Variants in PTP4A1 observed in about 807,000 individuals in gnomAD.
The protein encoded by PTP4A1 is protein tyrosine phosphatase type IVA 1.
PTP4A1 carries 9 observed loss-of-function variants against 20.5 expected under a neutral mutation model. The observed-to-expected ratio is 0.44, with a 90% CI of 0.26 to 0.77. PTP4A1 has a LOEUF of 0.77. Among genes scored for constraint, PTP4A1 ranks in the 30% least tolerant of loss-of-function variants. The probability of loss-of-function intolerance (pLI) is 0.19; values close to 1 mark genes in which losing one functional copy is unlikely to be tolerated. For missense variants in PTP4A1, 137 were observed against 218.8 expected (o/e 0.63, Z 2.36); for synonymous variants, 78 against 67.4 (o/e 1.16, Z -0.77).
chr6:63,559,989 T>A (rs1211167884), intron 3 of PTP4A1, among the ~76,000 whole-genome samples: 2 of 152,142 alleles, frequency 1.3e-5, no homozygotes, highest in African/African-American at 2.4e-5. Flanking sequence ...TATAATATTG[T>A]GGAAGATCAC....
At chr6:63,517,550 A>G (rs374292204), upstream of PTP4A1, among the ~76,000 whole-genome samples, 1 of 152,194 alleles carries the variant, frequency 6.6e-6, no homozygotes, top group African/African-American at 2.4e-5. Context: ...CAATAGCACT[A>G]TGAACAAAAG....
intron 3 of PTP4A1, among the ~76,000 whole-genome samples, chr6:63,558,716 G>GT (rs1384205219): frequency 1.3e-5 from 2 of 152,196 alleles, no homozygotes; most frequent in Non-Finnish European, 2.9e-5. Flanking sequence ...AGTCCTCTAA[G>GT]TAAGTCTGAA....
intron 3 of PTP4A1, among the ~76,000 whole-genome samples, chr6:63,552,662 T>G (rs886546545): frequency 6.6e-6 from 1 of 152,230 alleles, no homozygotes; most frequent in Non-Finnish European, 1.5e-5. Context: ...ATTTTTATGG[T>G]TTTAGTTCTA....
In PTP4A1 at chr6:63,582,191, TG is replaced by T. The variant is rs1365781921; in HGVS notation, c.*2018del. 1 of 151,896 alleles carries T rather than the reference TG, an allele frequency of 6.6e-6. No individual in the cohort carries two copies. The highest frequency in any genetic ancestry group is 1.5e-5 in the Non-Finnish European group (1 of 67,904). 9.4% of individuals were successfully genotyped at this position (151,896 alleles called of 1,614,324 possible). A position where few individuals can be genotyped will look rare whatever the true frequency, so the allele number is the denominator to read the frequency against. On this transcript the variant is annotated 3_prime_UTR_variant, in exon 6 of 6. Transcript: ENST00000626021. ...TTGGCTAATTTTTAACCTGAGGTTTTGTTTTTTTTTTAAAGGAAATGCAGCC... is the reference window on the plus strand; with the variant it reads ...TTGGCTAATTTTTAACCTGAGGTTTTTTTTTTTTTTAAAGGAAATGCAGCC...
chr6:63,541,551 C>T (rs1407019037), intron 2 of PTP4A1, among the ~76,000 whole-genome samples: 2 of 152,036 alleles, frequency 1.3e-5, no homozygotes, highest in Non-Finnish European at 2.9e-5. Flanking sequence ...TCAAGAAAAA[C>T]AATTTAAGTC....
intron 1 of PTP4A1, among the ~76,000 whole-genome samples, chr6:63,574,539 C>T (rs1043671088): frequency 1.3e-5 from 2 of 152,100 alleles, no homozygotes; most frequent in African/African-American, 4.8e-5. Flanking sequence ...GAAGGGAATT[C>T]TTAATATAGT....
At chr6:63,552,775 C>T (rs1776508834) in intron 3 of PTP4A1, among the ~76,000 whole-genome samples, 1 of 152,092 alleles carries the variant, frequency 6.6e-6, no homozygotes, top group Non-Finnish European at 1.5e-5. Flanking sequence ...TTCCCAACAC[C>T]ATTTATTAAA....
intron 3 of PTP4A1, 136 bp from the exon 4 acceptor site, chr6:63,578,762 C>A: frequency 1.8e-6 from 2 of 1,128,760 alleles, no homozygotes; most frequent in East Asian, 2.8e-5. Flanking sequence ...ATTTGGTAGA[C>A]AACAGGGTTT....
intron 2 of PTP4A1, among the ~76,000 whole-genome samples, chr6:63,535,218 A>G (rs1775666323): frequency 6.6e-6 from 1 of 152,180 alleles, no homozygotes; most frequent in Admixed American, 6.5e-5. Flanking sequence ...TAATTCCAGC[A>G]TTTTGGGAGG....
At chr6:63,571,256 CTAAGA>C (rs1187134754), upstream of PTP4A1, 2 of 151,996 alleles carry the variant, frequency 1.3e-5, no homozygotes, top group South Asian at 2.1e-4. Flanking sequence ...CTAATAAATC[CTAAGA>C]TGTTGCAGGG....
chr6:63,529,137 G>GTATATATATATGTATATATATGTGTGTA (rs1562112379), intron 2 of PTP4A1, among the ~76,000 whole-genome samples: 78 of 136,792 alleles, frequency 5.7e-4, no homozygotes, highest in Admixed American at 1.3e-3. Context: ...ATATGTGTGT[G>GTATATATATATGTATATATATGTGTGTA]TATATATATA....
At chr6:63,576,313 T>C (rs575051015) in intron 1 of PTP4A1, 123 bp from the exon 2 acceptor site, 1 of 390,116 alleles carries the variant, frequency 2.6e-6, no homozygotes, top group Admixed American at 4.4e-5. Context: ...TAAAAGTCGA[T>C]GAAGCGGCTC....
At chr6:63,564,433 A>G (rs970962563) in intron 3 of PTP4A1, among the ~76,000 whole-genome samples, 3 of 152,228 alleles carry the variant, frequency 2.0e-5, no homozygotes, top group African/African-American at 7.2e-5. Flanking sequence ...AGGATAAGAA[A>G]AAAGCATGAC....
intron 1 of PTP4A1, among the ~76,000 whole-genome samples, chr6:63,524,306 C>T (rs1386541701): frequency 1.3e-5 from 2 of 151,964 alleles, no homozygotes; most frequent in Non-Finnish European, 2.9e-5. Context: ...TTTAATCTAG[C>T]TTATAAAGTG....
intron 2 of PTP4A1, among the ~76,000 whole-genome samples, chr6:63,543,675 A>G (rs1776071281): frequency 6.6e-6 from 1 of 152,172 alleles, no homozygotes; most frequent in African/African-American, 2.4e-5. Flanking sequence ...CCCAGTCAAG[A>G]GCCCAATATT....
chr6:63,553,116 T>C (rs1012354017), intron 3 of PTP4A1, among the ~76,000 whole-genome samples: 1 of 152,202 alleles, frequency 6.6e-6, no homozygotes, highest in Non-Finnish European at 1.5e-5. Context: ...TGTATATTGA[T>C]TATATTCAAA....
intron 2 of PTP4A1, among the ~76,000 whole-genome samples, chr6:63,544,113 T>G (rs190197108): frequency 6.6e-6 from 1 of 152,120 alleles, no homozygotes; most frequent in Non-Finnish European, 1.5e-5. Context: ...CTACTTACAA[T>G]TGTGGGGAGT....
intron 3 of PTP4A1, 148 bp from the exon 4 acceptor site, chr6:63,578,750 A>G: frequency 9.0e-7 from 1 of 1,110,860 alleles, no homozygotes; most frequent in Non-Finnish European, 1.2e-6. Flanking sequence ...GCATTTAGTC[A>G]CATTTGGTAG....
At chr6:63,566,048 A>G (rs1777178369) in intron 3 of PTP4A1, among the ~76,000 whole-genome samples, 1 of 152,238 alleles carries the variant, frequency 6.6e-6, no homozygotes, top group Non-Finnish European at 1.5e-5. Context: ...TTTACACTAC[A>G]TTGTTGTCTG....
Sources: allele counts gnomAD v4.1 joint callset (sites outside exome capture counted in the v4.1 genomes callset), GRCh38; gene constraint gnomAD v4.1.1; transcripts MANE v1.5; gene names NCBI Gene and HGNC (gene_info 2026-07-23, HGNC 2026-07-21).